Variants in BCHE observed in about 807,000 individuals in gnomAD.
The protein encoded by BCHE is butyrylcholinesterase, also known as cholinesterase.
Under a neutral mutation model 51.3 loss-of-function variants are expected in BCHE, and 48 were observed. That is an observed-to-expected ratio of 0.94 (90% CI 0.74 to 1.19). The LOEUF is 1.19. BCHE is among the 50% of genes most tolerant of loss of function. BCHE has a pLI of 0.00. For synonymous variants in BCHE, 251 were observed against 238.0 expected (o/e 1.05, Z -0.50); for missense variants, 847 against 708.2 (o/e 1.20, Z -2.23).
chr3:165,805,079 T>G (rs558001249), intron 2 of BCHE, among the ~76,000 whole-genome samples: 2 of 152,256 alleles, frequency 1.3e-5, no homozygotes, highest in South Asian at 4.1e-4. Context: ...AGCAGTTGAA[T>G]GCAGCAAGAA....
chr3:165,813,093 C>G (rs1714168508), intron 2 of BCHE, among the ~76,000 whole-genome samples: 1 of 151,438 alleles, frequency 6.6e-6, no homozygotes, highest in African/African-American at 2.4e-5. Flanking sequence ...ACTTTTTTAC[C>G]AGAAAAAATA....
At chr3:165,786,850 A>G (rs1008340220) in intron 2 of BCHE, among the ~76,000 whole-genome samples, 1 of 151,790 alleles carries the variant, frequency 6.6e-6, no homozygotes, top group South Asian at 2.1e-4. Flanking sequence ...CTAACATCTC[A>G]TAGATCTGTT....
intron 2 of BCHE, among the ~76,000 whole-genome samples, chr3:165,791,488 A>G (rs1262598200): frequency 2.0e-5 from 3 of 152,204 alleles, no homozygotes; most frequent in African/African-American, 7.2e-5. Flanking sequence ...GTCAGATCTT[A>G]CATGTATTTT....
chr3:165,836,763 A>G (rs989876952), intron 1 of BCHE, among the ~76,000 whole-genome samples: 1 of 152,140 alleles, frequency 6.6e-6, no homozygotes, highest in Non-Finnish European at 1.5e-5. Flanking sequence ...AAATTAGAAA[A>G]CAGGTTTTGT....
At position 165,829,842 on chromosome 3, in the gene BCHE, G is replaced by A. The variant is rs779828972; in HGVS notation, c.1192C>T (p.Leu398Phe). ...GVSEFGKESI[L>F]FHYTDWVDDQ... The stretch of plus-strand genomic sequence containing the variant: ...TCTACCCAGTCTGTGTAATGAAAAA[G>A]GATGGATTCCTTTCCAAACTCACTC... Residue 398 changes from leucine (L) to phenylalanine (F), a missense_variant, in exon 2 of 4, where the codon CTT (leucine) becomes TTT (phenylalanine). By Grantham distance (22) the Leu-to-Phe change is conservative (BLOSUM62 0). Coordinates refer to ENST00000264381, the MANE Select transcript of BCHE (RefSeq NM_000055.4). The A allele has an allele frequency of 1.2e-6, 2 of 1,612,846 alleles. No homozygotes were observed. The highest frequency in any genetic ancestry group is 2.2e-5 in the South Asian group (2 of 90,954).
rs1712940367 is a variant in BCHE, at chr3:165,786,155, C to G, written c.1674G>C (p.Leu558Phe). The change falls in exon 3 of 4, where the codon TTG (leucine) becomes TTC (phenylalanine). Residue 558 changes from leucine (L) to phenylalanine (F), a missense_variant. Leu to Phe is a conservative substitution (Grantham distance 22). Coordinates refer to ENST00000264381, the MANE Select transcript of BCHE (RefSeq NM_000055.4). The part of the protein sequence containing the change: ...RFWTSFFPKV[L>F]EMTGNIDEAE... ...TAAAAACAGACACACCTGTCATTTC[C>G]AAGACTTTTGGAAAAAATGATGTCC... 2 of 1,611,600 alleles carry G rather than the reference C, an allele frequency of 1.2e-6. No homozygotes were observed. Among genetic ancestry groups the G allele is most frequent in the Non-Finnish European group, 1.7e-6 (2 of 1,178,288 alleles).
intron 2 of BCHE, among the ~76,000 whole-genome samples, chr3:165,823,735 A>T (rs539444263): frequency 2.0e-5 from 3 of 152,108 alleles, no homozygotes; most frequent in African/African-American, 7.2e-5. Context: ...AAACTAAAAA[A>T]TCTTGAAGCA....
intron 2 of BCHE, among the ~76,000 whole-genome samples, chr3:165,814,634 T>C (rs1192927881): frequency 1.3e-5 from 2 of 152,022 alleles, no homozygotes; most frequent in Admixed American, 6.6e-5. Context: ...GCTGGCCTGA[T>C]TTCTTTTCTG....
At chr3:165,782,383 G>A (rs1304933417) in intron 3 of BCHE, among the ~76,000 whole-genome samples, 2 of 152,054 alleles carry the variant, frequency 1.3e-5, no homozygotes, top group African/African-American at 2.4e-5. Context: ...GTAAAGAGAA[G>A]GGAATAGTCG....
intron 2 of BCHE, among the ~76,000 whole-genome samples, chr3:165,796,856 G>T (rs1713398439): frequency 6.6e-6 from 1 of 152,054 alleles, no homozygotes; most frequent in South Asian, 2.1e-4. Flanking sequence ...AGCTGAAAGG[G>T]CAAAGAGTTA....
chr3:165,821,332 T>C (rs1714504803), intron 2 of BCHE, among the ~76,000 whole-genome samples: 2 of 151,834 alleles, frequency 1.3e-5, no homozygotes, highest in Admixed American at 1.3e-4. Context: ...GCTAAATTCC[T>C]ATACAGACAT....
chr3:165,791,526 G>C (rs1713165285), intron 2 of BCHE, among the ~76,000 whole-genome samples: 1 of 152,164 alleles, frequency 6.6e-6, no homozygotes, highest in African/African-American at 2.4e-5. Flanking sequence ...TTGGCAGATA[G>C]ATTAGATATA....
At chr3:165,831,662 C>A (rs1338382106) in intron 1 of BCHE, among the ~76,000 whole-genome samples, 1 of 152,204 alleles carries the variant, frequency 6.6e-6, no homozygotes, top group Admixed American at 6.5e-5. Context: ...TATTAAGTAA[C>A]AAATATATGG....
At chr3:165,792,426 G>T (rs1314215554) in intron 2 of BCHE, among the ~76,000 whole-genome samples, 1 of 152,090 alleles carries the variant, frequency 6.6e-6, no homozygotes, top group Non-Finnish European at 1.5e-5. Flanking sequence ...ATAAAATAAA[G>T]TGCTTCCATG....
At position 165,829,778 on chromosome 3, in the gene BCHE, T is replaced by C. The variant is rs973429696; in HGVS notation, c.1256A>G (p.Asp419Gly). 6.2e-7 allele frequency: 1 copy of C among 1,613,830 alleles called. No individual in the cohort carries two copies. Residue 419 changes from aspartate (D) to glycine (G), a missense_variant, in exon 2 of 4, where the codon GAT becomes GGT. Transcript: ENST00000264381. ...RPENYREALG[D>G]VVGDYNFICP... ...TATGAAATTATAATCCCCAACAACA[T>C]CACCCAAGGCCTCACGGTAGTTTTC...
At chr3:165,787,564 A>C (rs934051348) in intron 2 of BCHE, among the ~76,000 whole-genome samples, 8 of 151,890 alleles carry the variant, frequency 5.3e-5, no homozygotes, top group African/African-American at 1.9e-4. Context: ...GCTGAAAGAG[A>C]GGAAATAAGG....
At chr3:165,814,182 G>C (rs984516530) in intron 2 of BCHE, among the ~76,000 whole-genome samples, 1 of 151,888 alleles carries the variant, frequency 6.6e-6, no homozygotes, top group African/African-American at 2.4e-5. Context: ...GTCTAGTGCT[G>C]TAAATAGAAT....
chr3:165,800,215 C>T (rs964744809), intron 2 of BCHE, among the ~76,000 whole-genome samples: 1 of 151,982 alleles, frequency 6.6e-6, no homozygotes, highest in Admixed American at 6.6e-5. Context: ...GTCTAATCTT[C>T]CATTCAGTGT....
intron 2 of BCHE, among the ~76,000 whole-genome samples, chr3:165,801,746 A>C (rs1169707352): frequency 6.6e-6 from 1 of 152,204 alleles, no homozygotes; most frequent in African/African-American, 2.4e-5. Context: ...TGTAAAAAGT[A>C]AAAAGTCAAA....
Sources: gnomAD v4.1 joint callset for allele counts (sites outside exome capture counted in the v4.1 genomes callset) on GRCh38, gnomAD v4.1.1 for gene constraint, MANE v1.5 for transcripts, NCBI Gene and HGNC (gene_info 2026-07-23, HGNC 2026-07-21) for gene names.